ASB4: variants seen among roughly 807,000 people sequenced by gnomAD.
The protein encoded by ASB4 is ankyrin repeat and SOCS box protein 4.
In ASB4, 35 loss-of-function variants were observed where a neutral mutation model predicts 38.6. The observed-to-expected ratio is 0.91, with a 90% confidence interval of 0.69 to 1.20. The LOEUF (loss-of-function observed/expected upper bound fraction) is 1.20, where lower values mean the gene tolerates loss of function less well. Among genes scored for constraint, ASB4 ranks in the 50% most tolerant of loss-of-function variants. ASB4 has a pLI of 0.00. For missense variants in ASB4, 557 were observed against 527.2 expected, an observed-to-expected ratio of 1.06 and a Z score of -0.55; for synonymous variants, 195 against 201.3, an observed-to-expected ratio of 0.97 and a Z score of 0.26.
At chr7:95,476,147 A>G (rs1001188412), upstream of ASB4, among the ~76,000 whole-genome samples, 3 of 152,176 alleles carry the variant, frequency 2.0e-5, no homozygotes, top group Non-Finnish European at 2.9e-5. Flanking sequence ...TCATTCGTCT[A>G]TAAGTTCTTG....
chr7:95,497,448 G>C (rs1790267244), intron 2 of ASB4, among the ~76,000 whole-genome samples: 1 of 152,106 alleles, frequency 6.6e-6, no homozygotes. Context: ...ATCATTGCCT[G>C]GTTTCAGGTT....
rs1266086260 is a variant in ASB4 at position 95,536,513 on chromosome 7, C to G, written c.1055C>G (p.Thr352Arg). ...GCCTATGAACACATCAGATGGAACA[C>G]AAAGTGGAGAAGAGCTATCCCCGAT... is the stretch of plus-strand genomic sequence containing the variant. ...VNAYEHIRWN[T>R]KWRRAIPDDD... The change falls in exon 4 of 5, where the codon ACA becomes AGA. Residue 352 changes from threonine (T) to arginine (R), a missense_variant. Physicochemically the swap from Thr to Arg is moderately conservative, Grantham distance 71 (BLOSUM62 -1). Coordinates refer to ENST00000325885, the MANE Select transcript of ASB4 (RefSeq NM_016116.3). 6.2e-7 allele frequency: 1 copy of G among 1,612,922 alleles called. No homozygotes were observed. The highest frequency in any genetic ancestry group is 1.7e-5 in the Admixed American group (1 of 59,986).
Position 95,495,831 on chromosome 7 carries a change from T to C in ASB4, c.261T>C (p.His87=), listed in dbSNP as rs1790238267. The C allele has an allele frequency of 1.2e-6, 2 of 1,613,744 alleles. No homozygotes were observed. Among genetic ancestry groups the C allele is most frequent in the East Asian group, 2.2e-5 (1 of 44,866 alleles). Residue 87 remains histidine, a synonymous_variant, in exon 2 of 5, where the codon CAT becomes CAC. Coordinates refer to ENST00000325885, the MANE Select transcript of ASB4 (RefSeq NM_016116.3). ...TGLHLSVLFG[H]VECLLVLLDH... ...TCCATCTCTCTGTCTTGTTTGGCCA[T>C]GTGGAATGTCTTCTGGTGCTACTGG...
intron 2 of ASB4, among the ~76,000 whole-genome samples, chr7:95,518,693 C>A (rs971667324): frequency 6.6e-6 from 1 of 152,198 alleles, no homozygotes; most frequent in Non-Finnish European, 1.5e-5. Context: ...CTGAGTCCAA[C>A]AAGATGATGT....
chr7:95,543,410 T>C (rs1456805013), downstream of ASB4: 1 of 152,064 alleles, frequency 6.6e-6, no homozygotes, highest in Non-Finnish European at 1.5e-5. Context: ...CCCTATTGAG[T>C]GTGTCCTCCA....
intron 2 of ASB4, among the ~76,000 whole-genome samples, chr7:95,526,598 G>A (rs140738985): frequency 1.1e-3 from 167 of 152,160 alleles, no homozygotes; most frequent in African/African-American, 3.9e-3. Flanking sequence ...TAACCTCTCT[G>A]AGTACAAATT....
chr7:95,508,337 A>G (rs1050199516), intron 2 of ASB4, among the ~76,000 whole-genome samples: 3 of 152,246 alleles, frequency 2.0e-5, no homozygotes, highest in African/African-American at 7.2e-5. Context: ...TTTGAAGGGC[A>G]TTTTTTATGT....
intron 2 of ASB4, among the ~76,000 whole-genome samples, chr7:95,514,127 C>A (rs1790522837): frequency 6.6e-6 from 1 of 152,204 alleles, no homozygotes; most frequent in African/African-American, 2.4e-5. Flanking sequence ...TGCACCAATT[C>A]TTTAATGTCT....
chr7:95,496,308 T>C, intron 2 of ASB4: 1 of 392,738 alleles, frequency 2.5e-6, no homozygotes, highest in Admixed American at 3.9e-5. Flanking sequence ...ATTTAGCTCC[T>C]ATTATGCATC....
intron 2 of ASB4, 93 bp downstream of exon 2, chr7:95,496,150 AG>A: frequency 8.1e-7 from 1 of 1,239,462 alleles, no homozygotes; most frequent in Non-Finnish European, 1.1e-6. Context: ...TGATGTAGTA[AG>A]CATAAAGATG....
the ASB4 span, among the ~76,000 whole-genome samples, chr7:95,471,069 C>T: frequency 2.0e-5 from 3 of 152,122 alleles, no homozygotes; most frequent in African/African-American, 7.2e-5. Flanking sequence ...TTCTTGTTTG[C>T]TTCCTCAAAA....
At chr7:95,537,522 T>G (rs748069035) in intron 4 of ASB4, 49 bp from the exon 5 acceptor site, 1 of 1,490,404 alleles carries the variant, frequency 6.7e-7, no homozygotes, top group Admixed American at 1.9e-5. Context: ...TTTATTGATG[T>G]AAACTGTGGG....
downstream of ASB4, among the ~76,000 whole-genome samples, chr7:95,540,784 C>T (rs543479834): frequency 1.3e-5 from 2 of 152,236 alleles, no homozygotes; most frequent in South Asian, 4.2e-4. Flanking sequence ...TTTTAATCAT[C>T]GAGTGTTATG....
chr7:95,480,264 T>C (rs550766934), intron 1 of ASB4, among the ~76,000 whole-genome samples: 1 of 152,306 alleles, frequency 6.6e-6, no homozygotes, highest in African/African-American at 2.4e-5. Flanking sequence ...TTTTTGTCTG[T>C]TCCCTTGTAG....
intron 2 of ASB4, among the ~76,000 whole-genome samples, chr7:95,498,110 T>C (rs1041155105): frequency 1.3e-5 from 2 of 152,236 alleles, no homozygotes; most frequent in Admixed American, 6.5e-5. Flanking sequence ...AGTAGTTCTG[T>C]CATTTCGTAT....
intron 1 of ASB4, among the ~76,000 whole-genome samples, chr7:95,490,936 C>T (rs537263838): frequency 6.6e-6 from 1 of 152,328 alleles, no homozygotes; most frequent in African/African-American, 2.4e-5. Context: ...TGCATGTAGC[C>T]TTCGGATCAT....
chr7:95,488,455 C>T (rs557500715), intron 1 of ASB4, among the ~76,000 whole-genome samples: 19 of 152,330 alleles, frequency 1.2e-4, no homozygotes, highest in African/African-American at 3.4e-4. Context: ...CAAATAGAAT[C>T]CTAGCTGCTA....
intron 3 of ASB4, among the ~76,000 whole-genome samples, chr7:95,532,833 C>T (rs1055823682): frequency 6.6e-6 from 1 of 152,134 alleles, no homozygotes; most frequent in East Asian, 1.9e-4. Context: ...CTAATTGTTC[C>T]TCCATGAAGG....
intron 3 of ASB4, among the ~76,000 whole-genome samples, chr7:95,532,218 A>T (rs1009684705): frequency 3.3e-5 from 5 of 152,198 alleles, no homozygotes; most frequent in Admixed American, 6.5e-5. Flanking sequence ...TCTTGTGTGG[A>T]TGGGGAATTC....
Sources: gnomAD v4.1 joint callset for allele counts (sites outside exome capture counted in the v4.1 genomes callset) on GRCh38, gnomAD v4.1.1 for gene constraint, MANE v1.5 for transcripts, NCBI Gene and HGNC (gene_info 2026-07-23, HGNC 2026-07-21) for gene names.